Variants in PDE12 observed in about 807,000 individuals in gnomAD.
The protein encoded by PDE12 is phosphodiesterase 12, also known as 2',5'-phosphodiesterase 12.
PDE12 carries 26 observed loss-of-function variants against 45.4 expected under a neutral mutation model. That is an observed-to-expected ratio of 0.57 (90% CI 0.42 to 0.79). The LOEUF (loss-of-function observed/expected upper bound fraction) is 0.79, where lower values mean the gene tolerates loss of function less well. Among genes scored for constraint, PDE12 ranks in the 30% least tolerant of loss-of-function variants. PDE12 has a pLI of 0.00. For missense variants in PDE12, 668 were observed against 790.0 expected (o/e 0.85, Z 1.85); for synonymous variants, 283 against 323.9 (o/e 0.87, Z 1.36).
At chr3:57,621,288 C>CA in the PDE12 span, among the ~76,000 whole-genome samples, 1 of 152,234 alleles carries the variant, frequency 6.6e-6, no homozygotes, top group Non-Finnish European at 1.5e-5. Flanking sequence ...ATGCAAAAAA[C>CA]AAAAAATCCT....
the PDE12 span, among the ~76,000 whole-genome samples, chr3:57,617,903 T>A: frequency 6.6e-6 from 1 of 150,390 alleles, no homozygotes; most frequent in Non-Finnish European, 1.5e-5. Flanking sequence ...CCATAGTGGA[T>A]TGGATAAAGA....
the PDE12 span, among the ~76,000 whole-genome samples, chr3:57,596,054 G>C: frequency 2.0e-5 from 3 of 152,106 alleles, no homozygotes; most frequent in African/African-American, 7.2e-5. Flanking sequence ...TTCTTTCAGC[G>C]TTATTCTAGT....
chr3:57,568,582 T>TC (rs2069807628), downstream of PDE12, among the ~76,000 whole-genome samples: 1 of 151,186 alleles, frequency 6.6e-6, no homozygotes, highest in Non-Finnish European at 1.5e-5. Flanking sequence ...AAGATACACT[T>TC]CTTTTTTTTT....
At chr3:57,612,158 G>C in the PDE12 span, among the ~76,000 whole-genome samples, 2 of 146,732 alleles carry the variant, frequency 1.4e-5, no homozygotes, top group African/African-American at 5.0e-5. Context: ...ACCAAACATC[G>C]TATGTTCTCA....
chr3:57,583,078 C>A, the PDE12 span, among the ~76,000 whole-genome samples: 1 of 152,044 alleles, frequency 6.6e-6, no homozygotes, highest in African/African-American at 2.4e-5. Flanking sequence ...CTCCCCATAC[C>A]CAACAACAAA....
the PDE12 span, among the ~76,000 whole-genome samples, chr3:57,605,379 G>T: frequency 6.6e-6 from 1 of 152,030 alleles, no homozygotes; most frequent in Non-Finnish European, 1.5e-5. Context: ...AACAGATAAG[G>T]TTAGAGGAAA....
the PDE12 span, among the ~76,000 whole-genome samples, chr3:57,617,679 A>G: frequency 3.9e-5 from 6 of 152,100 alleles, no homozygotes; most frequent in African/African-American, 1.4e-4. Context: ...CCTGGGCAAC[A>G]CTGTGAAAGC....
the PDE12 span, among the ~76,000 whole-genome samples, chr3:57,629,724 G>A: frequency 4.7e-5 from 7 of 148,144 alleles, 1 homozygote; most frequent in South Asian, 6.4e-4. Context: ...GGGTTTCACC[G>A]TGTTAGCCAG....
the PDE12 span, chr3:57,625,575 T>A: frequency 3.9e-5 from 6 of 152,580 alleles, no homozygotes; most frequent in Non-Finnish European, 5.9e-5. Flanking sequence ...AAAGCAGTGA[T>A]TCCTCCTGAT....
chr3:57,593,398 G>A, the PDE12 span, among the ~76,000 whole-genome samples: 1 of 151,996 alleles, frequency 6.6e-6, no homozygotes, highest in Non-Finnish European at 1.5e-5. Flanking sequence ...AATATGCTAA[G>A]AAACAAATAT....
At chr3:57,597,420 C>T in the PDE12 span, 1 of 293,192 alleles carries the variant, frequency 3.4e-6, no homozygotes, top group Non-Finnish European at 6.5e-6. Flanking sequence ...ACTCCAGCAG[C>T]GGCCCGGCCC....
chr3:57,557,347 C>G lies in PDE12; in HGVS notation c.968C>G (p.Pro323Arg), dbSNP rs145896059. 6.2e-7 allele frequency: 1 copy of G among 1,613,970 alleles called. No homozygotes were observed. Among genetic ancestry groups the G allele is most frequent in the African/African-American group, 1.3e-5 (1 of 75,016 alleles). The part of the protein sequence containing the change: ...SRTVLYPYCA[P>R]YALELDYRQN... ...ACGGTTCTGTACCCATACTGTGCCC[C>G]CTACGCCCTGGAGCTCGACTACCGC... is the stretch of plus-strand genomic sequence containing the variant. Residue 323 changes from proline to arginine, a missense_variant, in exon 1 of 3, where the codon CCC becomes CGC. Physicochemically the swap from Pro to Arg is moderately radical, Grantham distance 103. Coordinates refer to ENST00000311180, the MANE Select transcript of PDE12 (RefSeq NM_177966.7).
At chr3:57,649,530 T>TAAAA in the PDE12 span, among the ~76,000 whole-genome samples, 1 of 139,168 alleles carries the variant, frequency 7.2e-6, no homozygotes, top group African/African-American at 2.7e-5. Flanking sequence ...AAGGAAGTCA[T>TAAAA]AAAAAAAAAA....
chr3:57,616,090 AG>A, the PDE12 span, among the ~76,000 whole-genome samples: 1 of 152,180 alleles, frequency 6.6e-6, no homozygotes, highest in Non-Finnish European at 1.5e-5. Flanking sequence ...TGAGAAGCCA[AG>A]GCAAGAGGAT....
the PDE12 span, chr3:57,646,477 G>T: frequency 6.4e-7 from 1 of 1,559,242 alleles, no homozygotes; most frequent in Admixed American, 2.1e-5. Context: ...TTTTAATGTA[G>T]CCAATCCTGT....
intron 1 of PDE12, 62 bp from the exon 2 acceptor site, chr3:57,559,248 C>A: frequency 7.4e-7 from 1 of 1,351,900 alleles, no homozygotes; most frequent in Admixed American, 1.9e-5. Context: ...AACAAACAAA[C>A]AAAAACATTC....
chr3:57,586,489 C>G, the PDE12 span, among the ~76,000 whole-genome samples: 2 of 152,126 alleles, frequency 1.3e-5, no homozygotes, highest in Admixed American at 6.5e-5. Flanking sequence ...TACTCTGTAC[C>G]CTACCAAGAA....
the PDE12 span, among the ~76,000 whole-genome samples, chr3:57,649,534 A>AC: frequency 6.6e-6 from 1 of 151,692 alleles, no homozygotes; most frequent in South Asian, 2.1e-4. Flanking sequence ...AAGTCATAAA[A>AC]AAAAAAAAAA....
At chr3:57,614,001 A>C in the PDE12 span, among the ~76,000 whole-genome samples, 1 of 152,086 alleles carries the variant, frequency 6.6e-6, no homozygotes, top group Non-Finnish European at 1.5e-5. Context: ...AGTCAAAAGA[A>C]AGCCAGGATA....
Sources: allele counts gnomAD v4.1 joint callset (sites outside exome capture counted in the v4.1 genomes callset), GRCh38; gene constraint gnomAD v4.1.1; transcripts MANE v1.5; gene names NCBI Gene and HGNC (gene_info 2026-07-23, HGNC 2026-07-21).